Variants in C19orf12 observed in about 807,000 individuals in gnomAD.
C19orf12 encodes the protein protein C19orf12.
In C19orf12, 2 loss-of-function variants were observed where a neutral mutation model predicts 3.8. The ratio of observed to expected loss-of-function variants is 0.53; its 90% CI spans 0.22 to 1.66. C19orf12 has a LOEUF of 1.66. Among genes scored for constraint, C19orf12 ranks in the 40% most tolerant of loss-of-function variants. The probability of loss-of-function intolerance (pLI) is 0.20; values close to 1 mark genes in which losing one functional copy is unlikely to be tolerated. For missense variants in C19orf12, 156 were observed against 188.8 expected, an observed-to-expected ratio of 0.83 and a Z score of 1.02; for synonymous variants, 89 against 84.6, an observed-to-expected ratio of 1.05 and a Z score of -0.28.
chr19:29,702,454 T>C lies in C19orf12; in HGVS notation c.*258A>G, dbSNP rs1015328274. ...CCGAAGCCTGCGGCAGGCAGGCCTT[T>C]ACTCTTCACTGGGGGGCCAGTCAGA... On this transcript the variant is annotated 3_prime_UTR_variant, in exon 3 of 3. Coordinates refer to ENST00000323670, the MANE Select transcript of C19orf12 (RefSeq NM_031448.6). The C allele has an allele frequency of 3.0e-6, 2 of 676,614 alleles. No individual in the cohort carries two copies. Among genetic ancestry groups the C allele is most frequent in the Admixed American group, 2.0e-5 (1 of 48,942 alleles). 41.9% of individuals were successfully genotyped at this position (676,614 alleles called of 1,614,324 possible).
chr19:29,699,673 T>G lies in C19orf12; in HGVS notation c.*3039A>C. 1 of 454,038 alleles carries G rather than the reference T, an allele frequency of 2.2e-6. No individual in the cohort carries two copies. The highest frequency in any genetic ancestry group is 1.6e-5 in the South Asian group (1 of 64,460). The allele number at this position is 454,038 out of a possible 1,614,324, so 28.1% of individuals were successfully genotyped here. ...ATACTGACAAAAGGAAATGAACAGT[T>G]TTCAGAGACTTACTTTAAAACAGAG... On this transcript the variant is annotated 3_prime_UTR_variant, in exon 3 of 3. Coordinates refer to ENST00000323670, the MANE Select transcript of C19orf12 (RefSeq NM_031448.6).
Position 29,708,306 on chromosome 19 carries a change from C to T in C19orf12, c.108G>A (p.Gly36=). 1 of 1,613,986 alleles carries T rather than the reference C, an allele frequency of 6.2e-7. No homozygotes were observed. Among genetic ancestry groups the T allele is most frequent in the Non-Finnish European group, 8.5e-7 (1 of 1,180,026 alleles). The stretch of plus-strand genomic sequence containing the variant: ...CCAAACCCCCGACGAAGGCCATGGC[C>T]CCTGTGACCAGGGCACCCTTCCCAG... ...KHSGKGALVT[G]AMAFVGGLVG... The change falls in exon 2 of 3, where the codon GGG becomes GGA. Residue 36 remains glycine, a synonymous_variant. Transcript: ENST00000323670.
chr19:29,705,041 A>C (rs564921760), intron 2 of C19orf12, among the ~76,000 whole-genome samples: 3 of 152,258 alleles, frequency 2.0e-5, no homozygotes, highest in Non-Finnish European at 2.9e-5. Flanking sequence ...CAGACAGAGT[A>C]TGGAAAGGGA....
At position 29,700,772 on chromosome 19, in the gene C19orf12, A is replaced by G. The variant is rs148675828; in HGVS notation, c.*1940T>C. ...CCCTTCCTTAATCACCATGGGTTATAATTCACCCTGACGTCCTTACACACA... is the reference window on the plus strand; with the variant it reads ...CCCTTCCTTAATCACCATGGGTTATGATTCACCCTGACGTCCTTACACACA... On this transcript the variant is annotated 3_prime_UTR_variant, in exon 3 of 3. Coordinates refer to ENST00000323670, the MANE Select transcript of C19orf12 (RefSeq NM_031448.6). 7.0e-5 allele frequency: 32 copies of G among 454,128 alleles called. No individual in the cohort carries two copies. The East Asian group carries it at 2.2e-3, about 32-fold the overall frequency. 28.1% of individuals were successfully genotyped at this position (454,128 alleles called of 1,614,324 possible).
At chr19:29,705,053 A>C (rs1471363980) in intron 2 of C19orf12, among the ~76,000 whole-genome samples, 1 of 152,238 alleles carries the variant, frequency 6.6e-6, no homozygotes, top group Non-Finnish European at 1.5e-5. Context: ...GGAAAGGGAA[A>C]CAGAAACTTT....
chr19:29,699,357 A>T lies in C19orf12; in HGVS notation c.*3355T>A, dbSNP rs1971951650. 1 of 369,348 alleles carries T rather than the reference A, an allele frequency of 2.7e-6. No individual in the cohort carries two copies. Among genetic ancestry groups the T allele is most frequent in the African/African-American group, 2.1e-5 (1 of 46,618 alleles). 22.9% of individuals were successfully genotyped at this position (369,348 alleles called of 1,614,324 possible). On this transcript the variant is annotated 3_prime_UTR_variant, in exon 3 of 3. Coordinates refer to ENST00000323670, the MANE Select transcript of C19orf12 (RefSeq NM_031448.6). ...AATTAGCCGGGCATGGTGGCGGGCG[A>T]CTGTAGTCAAAGCTACTCGGGAGGC...
Position 29,701,831 on chromosome 19 carries a change from C to T in C19orf12, c.*881G>A, listed in dbSNP as rs3926. The T allele has an allele frequency of 0.7, 318,082 of 453,374 alleles. 114,636 individuals carry two copies. Among genetic ancestry groups the T allele is most frequent in the African/African-American group, 0.8 (39,967 of 50,056 alleles). The allele number at this position is 453,374 out of a possible 1,614,324, so 28.1% of individuals were successfully genotyped here. On this transcript the variant is annotated 3_prime_UTR_variant, in exon 3 of 3. Coordinates refer to ENST00000323670, the MANE Select transcript of C19orf12 (RefSeq NM_031448.6). ...AAATATTTTTAAATTAAGGTTTGTA[C>T]ATTTGTTAGACATAATGCTATTGCA...
chr19:29,715,291 G>A, upstream of C19orf12: 1 of 400,092 alleles, frequency 2.5e-6, no homozygotes, highest in Non-Finnish European at 4.9e-6. Context: ...CCTTCCGGCT[G>A]CGCCGGGCCT....
At chr19:29,715,535 C>A (rs1393217121), upstream of C19orf12, 4 of 266,356 alleles carry the variant, frequency 1.5e-5, no homozygotes, top group Non-Finnish European at 3.2e-5. Context: ...CCCACGCGCA[C>A]GCATGATCAC....
At chr19:29,709,529 CTTTT>C (rs10562051) in intron 1 of C19orf12, among the ~76,000 whole-genome samples, 10 of 131,870 alleles carry the variant, frequency 7.6e-5, no homozygotes, top group African/African-American at 8.9e-5. Flanking sequence ...TGCTTATTAT[CTTTT>C]TTTTTTTTTT....
chr19:29,705,266 C>T lies in C19orf12; in HGVS notation c.161-2289G>A, dbSNP rs112281248. On this transcript the variant is annotated intron_variant, in intron 2 of 2. Coordinates refer to ENST00000323670, the MANE Select transcript of C19orf12 (RefSeq NM_031448.6). ...CAAATTCAAACTGAGAGATGTTCTA[C>T]GAAATACCTGCCCAGTACTCCTCAA... 1,708 of 418,562 alleles carry T rather than the reference C, an allele frequency of 4.1e-3. 29 individuals carry two copies. Among genetic ancestry groups the T allele is most frequent in the African/African-American group, 0.033 (1,593 of 48,132 alleles). The allele number at this position is 418,562 out of a possible 1,614,324, so 25.9% of individuals were successfully genotyped here. A position where few individuals can be genotyped will look rare whatever the true frequency, so the allele number is the denominator to read the frequency against.
rs374687623 is a variant in C19orf12 at position 29,703,099 on chromosome 19, G to A, written c.161-122C>T. On this transcript the variant is annotated intron_variant, in intron 2 of 2. Coordinates refer to ENST00000323670, the MANE Select transcript of C19orf12 (RefSeq NM_031448.6). ...GGCACATTCATGAGCGGGCTGCAGC[G>A]GGCTCAGCCGGTGCCACGCCTGCTC... The A allele has an allele frequency of 7.4e-4, 982 of 1,324,826 alleles. 6 individuals are homozygous for A. In the East Asian group the frequency reaches 0.016, roughly 21 times the overall value. The allele number at this position is 1,324,826 out of a possible 1,614,324, so 82.1% of individuals were successfully genotyped here.
rs1251992893 is a variant in C19orf12 at position 29,702,170 on chromosome 19, C to A, written c.*542G>T. ...TCACTCAGCAGGCCGCCCGTCCCCT[C>A]CGTGGGGCCATTCGACAGTCCCTGG... On this transcript the variant is annotated 3_prime_UTR_variant, in exon 3 of 3. Coordinates refer to ENST00000323670, the MANE Select transcript of C19orf12 (RefSeq NM_031448.6). 4.4e-6 allele frequency: 2 copies of A among 454,050 alleles called. No homozygotes were observed. Among genetic ancestry groups the A allele is most frequent in the Non-Finnish European group, 8.8e-6 (2 of 226,728 alleles). 28.1% of individuals were successfully genotyped at this position (454,050 alleles called of 1,614,324 possible).
rs746678834 is a variant in C19orf12, at chr19:29,715,180, G to A, written c.-66C>T. 1.9e-6 allele frequency: 1 copy of A among 519,216 alleles called. No individual in the cohort carries two copies. The highest frequency in any genetic ancestry group is 3.5e-6 in the Non-Finnish European group (1 of 287,808). 32.2% of individuals were successfully genotyped at this position (519,216 alleles called of 1,614,324 possible). A position where few individuals can be genotyped will look rare whatever the true frequency, so the allele number is the denominator to read the frequency against. On this transcript the variant is annotated 5_prime_UTR_variant, in exon 1 of 3. Coordinates refer to ENST00000323670, the MANE Select transcript of C19orf12 (RefSeq NM_031448.6). ...CGGCGATCAGACGCGGCTGCAGCCCGGGCCTGGCAGGCCCCGGGCTCCCCG... is the reference window on the plus strand; with the variant it reads ...CGGCGATCAGACGCGGCTGCAGCCCAGGCCTGGCAGGCCCCGGGCTCCCCG...
chr19:29,704,353 C>A (rs1300884700), intron 2 of C19orf12, among the ~76,000 whole-genome samples: 2 of 151,472 alleles, frequency 1.3e-5, no homozygotes, highest in Non-Finnish European at 2.9e-5. Flanking sequence ...CCTGTAATCC[C>A]AGCTACTGGC....
At chr19:29,713,432 C>T (rs2145656163) in intron 1 of C19orf12, among the ~76,000 whole-genome samples, 1 of 152,212 alleles carries the variant, frequency 6.6e-6, no homozygotes, top group South Asian at 2.1e-4. Flanking sequence ...AAGCCCATCT[C>T]ACCGAGAGCG....
chr19:29,703,089 G>T, intron 2 of C19orf12, 112 bp from the exon 3 acceptor site: 1 of 1,411,402 alleles, frequency 7.1e-7, no homozygotes, highest in East Asian at 2.4e-5. Flanking sequence ...ATTCATGAGC[G>T]GGCTGCAGCG....
intron 1 of C19orf12, among the ~76,000 whole-genome samples, chr19:29,713,267 T>A (rs1366868712): frequency 6.6e-6 from 1 of 151,764 alleles, no homozygotes; most frequent in East Asian, 2.0e-4. Context: ...CCTCCCCCAC[T>A]GTATCACACC....
chr19:29,711,036 G>GTGT (rs1555716490), intron 1 of C19orf12, among the ~76,000 whole-genome samples: 1 of 98,282 alleles, frequency 1.0e-5, no homozygotes, highest in Admixed American at 1.3e-4. Context: ...ATACAGAGAG[G>GTGT]TTTTTTTTTT....
Sources: gnomAD v4.1 joint callset for allele counts (sites outside exome capture counted in the v4.1 genomes callset) on GRCh38, gnomAD v4.1.1 for gene constraint, MANE v1.5 for transcripts, NCBI Gene and HGNC (gene_info 2026-07-23, HGNC 2026-07-21) for gene names.